Variants in TMEM44 observed in about 807,000 individuals in gnomAD.
TMEM44 encodes the protein transmembrane protein 44.
Under a neutral mutation model 47.8 loss-of-function variants are expected in TMEM44, and 43 were observed. The ratio of observed to expected loss-of-function variants is 0.90; its 90% CI spans 0.70 to 1.16. The LOEUF is 1.16. Ranked by LOEUF, TMEM44 falls within the 50% of genes most tolerant of loss-of-function variation. The pLI, the probability that TMEM44 is intolerant of heterozygous loss-of-function variation, is 0.00. For missense variants in TMEM44, 568 were observed against 555.2 expected (o/e 1.02, Z -0.23); for synonymous variants, 277 against 238.8 (o/e 1.16, Z -1.48).
chr3:194,620,311 A>T (rs2108594618), intron 5 of TMEM44, among the ~76,000 whole-genome samples: 1 of 151,378 alleles, frequency 6.6e-6, no homozygotes, highest in Non-Finnish European at 1.5e-5. Flanking sequence ...AAAAAAAAAA[A>T]ATACCAGGAA....
intron 9 of TMEM44, among the ~76,000 whole-genome samples, chr3:194,591,013 G>T (rs1712613217): frequency 6.6e-6 from 1 of 151,948 alleles, no homozygotes; most frequent in African/African-American, 2.4e-5. Flanking sequence ...GGCCAACATG[G>T]TGAAACCCCG....
chr3:194,628,695 A>G (rs1257479524), intron 1 of TMEM44, among the ~76,000 whole-genome samples, 186 bp from the exon 2 acceptor site: 1 of 152,204 alleles, frequency 6.6e-6, no homozygotes, highest in Admixed American at 6.5e-5. Flanking sequence ...CCGCCTGTCC[A>G]GATGCCCATG....
chr3:194,607,383 C>T (rs1267109285), intron 8 of TMEM44, among the ~76,000 whole-genome samples: 2 of 152,212 alleles, frequency 1.3e-5, no homozygotes, highest in East Asian at 1.9e-4. Context: ...ATGCAAAACA[C>T]ACTAGGATCC....
Position 194,617,230 on chromosome 3 carries a change from G to T in TMEM44, c.652C>A (p.Arg218=), listed in dbSNP as rs547220835. Residue 218 remains arginine, a synonymous_variant, in exon 6 of 10, where the codon CGG becomes AGG. Transcript: ENST00000347147. ...KTFPSIHLWT[R]LLSALAGLLY... ...AGGCCAGCCAGGGCCGACAGGAGCC[G>T]GGTCCACAGGTGGATGGAGGGAAAT... The T allele has an allele frequency of 1.3e-6, 2 of 1,550,608 alleles. No homozygotes were observed. Among genetic ancestry groups the T allele is most frequent in the East Asian group, 2.4e-5 (1 of 41,378 alleles).
In TMEM44 at chr3:194,609,298, G is replaced by A. The variant is rs112783895; in HGVS notation, c.1017+1618C>T. 1.6e-3 allele frequency among the ~76,000 whole-genome samples: 238 copies of A among 152,046 alleles called. 1 individual carries two copies. Among genetic ancestry groups the A allele is most frequent in the African/African-American group, 5.6e-3 (232 of 41,462 alleles). ...GTCAGCAAGAACTGGTGTGCAGAGCGAGGGGACTGTGGGACTGCAGGGCCC... is the reference window on the plus strand; with the variant it reads ...GTCAGCAAGAACTGGTGTGCAGAGCAAGGGGACTGTGGGACTGCAGGGCCC... On this transcript the variant is annotated intron_variant, in intron 8 of 9. Transcript: ENST00000347147.
At position 194,588,628 on chromosome 3, in the gene TMEM44, T is replaced by C. The variant is rs1712159785; in HGVS notation, c.1188A>G (p.Glu396=). 1 of 1,614,162 alleles carries C rather than the reference T, an allele frequency of 6.2e-7. No homozygotes were observed. The highest frequency in any genetic ancestry group is 1.7e-5 in the Admixed American group (1 of 60,016). The change falls in exon 10 of 10, where the codon GAA becomes GAG. Residue 396 remains glutamate, a synonymous_variant. Transcript: ENST00000347147. ...CTTTGCTGCCTTCGAGGTTCACATC[T>C]TCAGGGTCCCACTATGGAGAAAAGA... The part of the protein sequence containing the change: ...SINSDLEWDP[E]DVNLEGSKEN...
chr3:194,623,457 G>A, intron 4 of TMEM44, 72 bp downstream of exon 4: 1 of 1,519,428 alleles, frequency 6.6e-7, no homozygotes, highest in East Asian at 2.4e-5. Context: ...CCTAGCCCCG[G>A]CCTCATCCCA....
In TMEM44 at chr3:194,617,147, G is replaced by T; in HGVS notation, c.735C>A (p.Ala245=). The change falls in exon 6 of 10, where the codon GCC becomes GCA. Residue 245 remains alanine, a synonymous_variant. Coordinates refer to ENST00000347147, the MANE Select transcript of TMEM44 (RefSeq NM_001011655.3). ...CGAGGGAGGTCAGGAACCAGGGTGTGGCCCGCAGCAGGTACTCAGGGTGCT... is the reference window on the plus strand; with the variant it reads ...CGAGGGAGGTCAGGAACCAGGGTGTTGCCCGCAGCAGGTACTCAGGGTGCT... ...HDQHPEYLLR[A]TPWFLTSLGR... 1 of 1,559,250 alleles carries T rather than the reference G, an allele frequency of 6.4e-7. No homozygotes were observed. Among genetic ancestry groups the T allele is most frequent in the East Asian group, 2.4e-5 (1 of 41,704 alleles).
In TMEM44 at chr3:194,623,299, C is replaced by G. The variant is rs752383758; in HGVS notation, c.537G>C (p.Glu179Asp). ...LLASLLQENT[E>D]ILGYLLGSVA... The stretch of plus-strand genomic sequence containing the variant: ...CGCTACCCAGCAGGTAGCCGAGGAT[C>G]TCAGTATTTTCCTGCAAGAACGAAC... The change falls in exon 5 of 10, where the codon GAG becomes GAC. Residue 179 changes from glutamate (E) to aspartate (D), a missense_variant. Physicochemically the swap from Glu to Asp is conservative, Grantham distance 45. Coordinates refer to ENST00000347147, the MANE Select transcript of TMEM44 (RefSeq NM_001011655.3). The G allele has an allele frequency of 1.9e-6, 3 of 1,608,080 alleles. No individual in the cohort carries two copies. Among genetic ancestry groups the G allele is most frequent in the Non-Finnish European group, 2.5e-6 (3 of 1,177,138 alleles).
intron 9 of TMEM44, among the ~76,000 whole-genome samples, chr3:194,598,411 C>T (rs1024986856): frequency 5.7e-5 from 8 of 140,658 alleles, no homozygotes; most frequent in East Asian, 2.5e-4. Context: ...CAGTCTCTGC[C>T]GAGGCAGTGG....
chr3:194,604,538 T>G, intron 8 of TMEM44, 93 bp from the exon 9 acceptor site: 1 of 1,422,380 alleles, frequency 7.0e-7, no homozygotes, highest in Middle Eastern at 2.0e-4. Context: ...GTGTTCAAAA[T>G]GTACAAAAGG....
Position 194,588,265 on chromosome 3 carries a change from T to C in TMEM44, c.*264A>G. On this transcript the variant is annotated 3_prime_UTR_variant, in exon 10 of 10. Transcript: ENST00000347147. Reference sequence around the variant, plus strand: ...AGAGCGGGTCTGAGATCCTTTGGATTATCTTTACGAAGCAAAAGCTTCTGT... The same window carrying C: ...AGAGCGGGTCTGAGATCCTTTGGATCATCTTTACGAAGCAAAAGCTTCTGT... 2.3e-6 allele frequency: 1 copy of C among 442,400 alleles called. No homozygotes were observed. The highest frequency in any genetic ancestry group is 4.0e-6 in the Non-Finnish European group (1 of 248,066). The allele number at this position is 442,400 out of a possible 1,614,324, so 27.4% of individuals were successfully genotyped here. A position where few individuals can be genotyped will look rare whatever the true frequency, so the allele number is the denominator to read the frequency against.
intron 5 of TMEM44, among the ~76,000 whole-genome samples, chr3:194,620,006 A>T (rs1175433667): frequency 2.6e-5 from 4 of 152,090 alleles, no homozygotes; most frequent in Non-Finnish European, 5.9e-5. Flanking sequence ...CTCAACAGGA[A>T]GGGGCTGGGC....
At chr3:194,607,423 A>G (rs1192730424) in intron 8 of TMEM44, among the ~76,000 whole-genome samples, 1 of 152,208 alleles carries the variant, frequency 6.6e-6, no homozygotes, top group East Asian at 1.9e-4. Flanking sequence ...GCTCATTTTT[A>G]TTAACACTTA....
intron 9 of TMEM44, among the ~76,000 whole-genome samples, chr3:194,598,890 G>T (rs1386076011): frequency 6.6e-6 from 1 of 151,846 alleles, no homozygotes; most frequent in Non-Finnish European, 1.5e-5. Flanking sequence ...CAGGCCCACA[G>T]GCCCCGACAG....
intron 9 of TMEM44, among the ~76,000 whole-genome samples, chr3:194,594,141 A>G (rs71317913): frequency 0.27 from 37,596 of 140,918 alleles, 5,103 homozygotes; most frequent in East Asian, 0.54. Flanking sequence ...CTATCTATCT[A>G]TCTATCTATC....
At chr3:194,632,997 C>G (rs1305799705) in intron 1 of TMEM44, 82 bp downstream of exon 1, 2 of 1,504,484 alleles carry the variant, frequency 1.3e-6, no homozygotes, top group East Asian at 5.3e-5. Flanking sequence ...TCCGCCCCCT[C>G]CTCTAGGTTT....
rs1718028174 is a variant in TMEM44 at position 194,633,233 on chromosome 3, G to A, written c.-18C>T. ...TCCCCCATGGCGCGGCTGGGCGCGCGGCGCGGGGCCGGGGACCTGGGCGCA... is the reference window on the plus strand; with the variant it reads ...TCCCCCATGGCGCGGCTGGGCGCGCAGCGCGGGGCCGGGGACCTGGGCGCA... On this transcript the variant is annotated 5_prime_UTR_variant, in exon 1 of 10. Transcript: ENST00000347147. The A allele has an allele frequency of 3.0e-6, 4 of 1,321,704 alleles. No homozygotes were observed. The highest frequency in any genetic ancestry group is 4.1e-5 in the Admixed American group (1 of 24,150). The allele number at this position is 1,321,704 out of a possible 1,614,324, so 81.9% of individuals were successfully genotyped here. A position where few individuals can be genotyped will look rare whatever the true frequency, so the allele number is the denominator to read the frequency against.
chr3:194,617,150 C>T lies in TMEM44; in HGVS notation c.732G>A (p.Arg244=), dbSNP rs2108591267. Residue 244 remains arginine (R), a synonymous_variant, in exon 6 of 10, where the codon CGG becomes CGA. Coordinates refer to ENST00000347147, the MANE Select transcript of TMEM44 (RefSeq NM_001011655.3). ...GGGAGGTCAGGAACCAGGGTGTGGC[C>T]CGCAGCAGGTACTCAGGGTGCTGGT... ...AHDQHPEYLL[R]ATPWFLTSLG... 1.3e-6 allele frequency: 2 copies of T among 1,559,026 alleles called. No individual in the cohort carries two copies. The highest frequency in any genetic ancestry group is 1.7e-6 in the Non-Finnish European group (2 of 1,152,314).
Sources: gnomAD v4.1 joint callset for allele counts (sites outside exome capture counted in the v4.1 genomes callset) on GRCh38, gnomAD v4.1.1 for gene constraint, MANE v1.5 for transcripts, NCBI Gene and HGNC (gene_info 2026-07-23, HGNC 2026-07-21) for gene names.